Variants in TACR1 observed in about 807,000 individuals in gnomAD.
TACR1 encodes tachykinin receptor 1, also known as substance-P receptor.
Under a neutral mutation model 35.8 loss-of-function variants are expected in TACR1, and 25 were observed. That is an observed-to-expected ratio of 0.70 (90% confidence interval 0.51 to 0.98). The LOEUF (loss-of-function observed/expected upper bound fraction) is 0.98. Ranked by LOEUF, TACR1 falls within the 50% of genes least tolerant of loss-of-function variation. TACR1 has a pLI of 0.00. For synonymous variants in TACR1, 195 were observed against 206.7 expected, an observed-to-expected ratio of 0.94 and a Z score of 0.48; for missense variants, 478 against 522.9, an observed-to-expected ratio of 0.91 and a Z score of 0.84.
At chr2:75,156,602 C>CAAAA (rs58048867) in intron 1 of TACR1, among the ~76,000 whole-genome samples, 2 of 108,506 alleles carry the variant, frequency 1.8e-5, no homozygotes, top group Non-Finnish European at 1.8e-5. Context: ...GACTCCGTCT[C>CAAAA]AAAAAAAAAA....
At chr2:75,063,180 G>T (rs187231317) in intron 2 of TACR1, among the ~76,000 whole-genome samples, 12 of 152,174 alleles carry the variant, frequency 7.9e-5, no homozygotes, top group Non-Finnish European at 1.5e-4. Context: ...TTCACAACAC[G>T]TGGGAATTCA....
intron 1 of TACR1, among the ~76,000 whole-genome samples, chr2:75,166,289 T>A (rs1675141883): frequency 6.6e-6 from 1 of 152,186 alleles, no homozygotes; most frequent in African/African-American, 2.4e-5. Context: ...AGCGCAAATC[T>A]TTTCTTTACA....
chr2:75,127,939 C>G (rs920534081), intron 1 of TACR1, among the ~76,000 whole-genome samples: 8 of 152,196 alleles, frequency 5.3e-5, no homozygotes, highest in African/African-American at 1.4e-4. Flanking sequence ...TGAATACCCT[C>G]CCATACTCCT....
At chr2:75,109,164 T>C (rs1673704830) in intron 2 of TACR1, among the ~76,000 whole-genome samples, 4 of 152,164 alleles carry the variant, frequency 2.6e-5, no homozygotes, top group Admixed American at 2.0e-4. Flanking sequence ...ACCTTGAACC[T>C]TCTGTCATCT....
At chr2:75,072,911 G>A (rs1241296437) in intron 2 of TACR1, among the ~76,000 whole-genome samples, 1 of 152,068 alleles carries the variant, frequency 6.6e-6, no homozygotes, top group Non-Finnish European at 1.5e-5. Flanking sequence ...ATTTTTTTCA[G>A]TCTCTTATTC....
intron 1 of TACR1, among the ~76,000 whole-genome samples, chr2:75,192,340 G>T (rs1391875747): frequency 6.6e-6 from 1 of 152,204 alleles, no homozygotes. Flanking sequence ...CTACGTGGAA[G>T]AGGCCTGAGA....
At chr2:75,164,626 TA>T (rs549689130) in intron 1 of TACR1, among the ~76,000 whole-genome samples, 25 of 150,342 alleles carry the variant, frequency 1.7e-4, no homozygotes, top group East Asian at 1.9e-4. Context: ...AAGGTAAACT[TA>T]AAAAAAAAAT....
intron 1 of TACR1, among the ~76,000 whole-genome samples, chr2:75,172,388 G>C (rs1211822373): frequency 6.6e-5 from 10 of 152,192 alleles, no homozygotes; most frequent in Non-Finnish European, 1.5e-4. Flanking sequence ...CTGTTTCTCT[G>C]TAAGAAAGAA....
intron 2 of TACR1, among the ~76,000 whole-genome samples, chr2:75,086,473 C>T (rs1306125808): frequency 1.3e-5 from 2 of 152,168 alleles, no homozygotes; most frequent in Non-Finnish European, 2.9e-5. Context: ...ACACAGTGGA[C>T]ACTCAATAAA....
chr2:75,150,880 C>T (rs1674654750), intron 1 of TACR1, among the ~76,000 whole-genome samples: 1 of 152,158 alleles, frequency 6.6e-6, no homozygotes, highest in Non-Finnish European at 1.5e-5. Flanking sequence ...AAAATCCAGG[C>T]TAAGGTGGTC....
chr2:75,177,625 C>G (rs1053937375), intron 1 of TACR1, among the ~76,000 whole-genome samples: 1 of 152,120 alleles, frequency 6.6e-6, no homozygotes, highest in East Asian at 1.9e-4. Context: ...CTCCTACCCA[C>G]GTCCTTGCTT....
chr2:75,051,249 AC>A lies in TACR1; in HGVS notation c.932+1del. 6.2e-7 allele frequency: 1 copy of A among 1,614,024 alleles called. No homozygotes were observed. The highest frequency in any genetic ancestry group is 8.5e-7 in the Non-Finnish European group (1 of 1,179,974). ...GAGAGCTCATGGGGTTGGGATCCTC[AC>A]CTGTCATTGAGGCAGCAGTAGATGA... On this transcript the variant is annotated splice_donor_variant, in intron 4 of 4. Transcript: ENST00000305249. LOFTEE classifies it high-confidence loss of function.
At chr2:75,177,498 A>G (rs1037816215) in intron 1 of TACR1, among the ~76,000 whole-genome samples, 5 of 152,136 alleles carry the variant, frequency 3.3e-5, no homozygotes, top group African/African-American at 1.2e-4. Flanking sequence ...TAAGCCTCTC[A>G]CTGTCTGACC....
chr2:75,169,258 C>T (rs907579865), intron 1 of TACR1, among the ~76,000 whole-genome samples: 12 of 152,066 alleles, frequency 7.9e-5, no homozygotes, highest in Admixed American at 5.9e-4. Flanking sequence ...TCTTTTGTTT[C>T]GTTTATTCCT....
At chr2:75,061,232 A>G (rs552930194) in intron 2 of TACR1, among the ~76,000 whole-genome samples, 6 of 148,900 alleles carry the variant, frequency 4.0e-5, no homozygotes, top group Admixed American at 4.0e-4. Flanking sequence ...GAGAGACTCC[A>G]GGGGCGGGTA....
chr2:75,184,458 C>T (rs1466412556), intron 1 of TACR1, among the ~76,000 whole-genome samples: 1 of 151,488 alleles, frequency 6.6e-6, no homozygotes, highest in Non-Finnish European at 1.5e-5. Context: ...GTAAAGGACA[C>T]AGACACTAGA....
chr2:75,124,851 A>T (rs1674042751), intron 1 of TACR1, among the ~76,000 whole-genome samples: 1 of 152,230 alleles, frequency 6.6e-6, no homozygotes, highest in Non-Finnish European at 1.5e-5. Flanking sequence ...ATGGTGTGAT[A>T]TTCAGAAACA....
intron 2 of TACR1, among the ~76,000 whole-genome samples, chr2:75,096,540 C>T (rs892430844): frequency 1.4e-4 from 22 of 152,116 alleles, no homozygotes; most frequent in African/African-American, 5.3e-4. Flanking sequence ...ATGATAATTG[C>T]ACTTTGTATT....
intron 1 of TACR1, chr2:75,187,055 A>T (rs1675724522): frequency 1.3e-5 from 2 of 152,420 alleles, no homozygotes; most frequent in Admixed American, 1.3e-4. Flanking sequence ...TGTAAACAGC[A>T]CAAATTCACT....
Sources: gnomAD v4.1 joint callset for allele counts (sites outside exome capture counted in the v4.1 genomes callset) on GRCh38, gnomAD v4.1.1 for gene constraint, MANE v1.5 for transcripts, NCBI Gene and HGNC (gene_info 2026-07-23, HGNC 2026-07-21) for gene names.